The following CD48 variants were observed in gnomAD, a reference collection of about 807,000 sequenced individuals.
CD48 encodes the protein CD48 antigen.
Under a neutral mutation model 22.0 loss-of-function variants are expected in CD48, and 20 were observed. The ratio of observed to expected loss-of-function variants is 0.91; its 90% CI spans 0.64 to 1.32. The LOEUF (loss-of-function observed/expected upper bound fraction) is 1.32, where lower values mean the gene tolerates loss of function less well. Ranked by LOEUF, CD48 falls within the 40% of genes most tolerant of loss-of-function variation. CD48 has a pLI of 0.00. For missense variants in CD48, 307 were observed against 286.5 expected (o/e 1.07, Z -0.52); for synonymous variants, 110 against 110.1 (o/e 1.00, Z 0.01).
chr1:160,709,660 G>T (rs1479613997), intron 1 of CD48, among the ~76,000 whole-genome samples: 2 of 152,184 alleles, frequency 1.3e-5, no homozygotes, highest in African/African-American at 4.8e-5. Context: ...AGAGAGCTAA[G>T]AGTGCTTCTC....
At chr1:160,685,627 A>T (rs1661970951) in intron 1 of CD48, among the ~76,000 whole-genome samples, 1 of 152,316 alleles carries the variant, frequency 6.6e-6, no homozygotes, top group Admixed American at 6.5e-5. Context: ...TCTGTTTAAA[A>T]ATATTTAATA....
rs371785184 is a variant in CD48, at chr1:160,680,622, A to G, written c.652+580T>C. 224 of 1,008,720 alleles carry G rather than the reference A, an allele frequency of 2.2e-4. No individual in the cohort carries two copies. The African/African-American group carries it at 3.8e-3, about 17-fold the overall frequency. The allele number at this position is 1,008,720 out of a possible 1,614,324, so 62.5% of individuals were successfully genotyped here. On this transcript the variant is annotated intron_variant, in intron 3 of 3. Transcript: ENST00000368046. Reference sequence around the variant, plus strand: ...GTGACACTCATGAGTGGATCCTCCCAGGAGACAGGGGAATCTGGCTTCCTA... The same window carrying G: ...GTGACACTCATGAGTGGATCCTCCCGGGAGACAGGGGAATCTGGCTTCCTA...
intron 1 of CD48, among the ~76,000 whole-genome samples, chr1:160,687,977 T>C (rs535970306): frequency 6.6e-4 from 100 of 152,340 alleles, no homozygotes; most frequent in Middle Eastern, 6.8e-3. Flanking sequence ...GAATGATCAG[T>C]CTCATTATAG....
rs1359170171 is a variant in CD48, at chr1:160,684,410, T to A, written c.385+477A>T. On this transcript the variant is annotated intron_variant, in intron 2 of 3. Coordinates refer to ENST00000368046, the MANE Select transcript of CD48 (RefSeq NM_001778.4). ...CCAGGTATAATGCCTGAGTCCTTAT[T>A]CCATATACACTGGTTAGACTGGAGC... is the stretch of plus-strand genomic sequence containing the variant. The A allele has an allele frequency of 2.3e-5, 5 of 221,098 alleles. No individual in the cohort carries two copies. The South Asian group carries it at 3.4e-4, about 15-fold the overall frequency. 13.7% of individuals were successfully genotyped at this position (221,098 alleles called of 1,614,324 possible). A position where few individuals can be genotyped will look rare whatever the true frequency, so the allele number is the denominator to read the frequency against.
At chr1:160,686,222 G>T (rs946867041) in intron 1 of CD48, among the ~76,000 whole-genome samples, 5 of 152,168 alleles carry the variant, frequency 3.3e-5, no homozygotes, top group African/African-American at 1.2e-4. Flanking sequence ...GGGAAAGAGG[G>T]ATTCCAGTGT....
At chr1:160,683,146 T>C (rs1661867761) in intron 2 of CD48, among the ~76,000 whole-genome samples, 1 of 152,244 alleles carries the variant, frequency 6.6e-6, no homozygotes, top group Admixed American at 6.5e-5. Flanking sequence ...ATTTTTATCC[T>C]GGTTTTCACC....
chr1:160,701,159 TTTATGTAAAG>T (rs1424593462), intron 1 of CD48, among the ~76,000 whole-genome samples: 2 of 110,538 alleles, frequency 1.8e-5, no homozygotes, highest in South Asian at 3.2e-4. Flanking sequence ...CACAATCTGA[TTTATGTAAAG>T]CAATATAAAA....
At chr1:160,703,378 T>C (rs1039730489) in intron 1 of CD48, among the ~76,000 whole-genome samples, 1 of 152,096 alleles carries the variant, frequency 6.6e-6, no homozygotes, top group African/African-American at 2.4e-5. Context: ...AAAGGTAAGA[T>C]TGAACAGCGC....
intron 1 of CD48, among the ~76,000 whole-genome samples, chr1:160,696,613 C>G (rs949740977): frequency 1.3e-5 from 2 of 151,696 alleles, no homozygotes; most frequent in African/African-American, 2.4e-5. Flanking sequence ...AGTCTTAGAC[C>G]TGCCCACTCA....
chr1:160,681,396 G>A lies in CD48; in HGVS notation c.458C>T (p.Ser153Leu). ...DMDDNCYLKL[S>L]CVIPGESVNY... ...TACAGACTCGCCAGGTATCACACAT[G>A]ACAGTTTCAGATAACAGTTGTCATC... The change falls in exon 3 of 4, where the codon TCA (serine) becomes TTA (leucine). Residue 153 changes from serine to leucine, a missense_variant. Coordinates refer to ENST00000368046, the MANE Select transcript of CD48 (RefSeq NM_001778.4). The A allele has an allele frequency of 6.2e-7, 1 of 1,614,136 alleles. No homozygotes were observed. Among genetic ancestry groups the A allele is most frequent in the Non-Finnish European group, 8.5e-7 (1 of 1,180,006 alleles).
At chr1:160,688,335 TG>T (rs1291131204) in intron 1 of CD48, among the ~76,000 whole-genome samples, 2 of 152,142 alleles carry the variant, frequency 1.3e-5, no homozygotes, top group Non-Finnish European at 2.9e-5. Flanking sequence ...TTAAATGTAT[TG>T]GGGGGAGGAT....
chr1:160,688,819 G>C (rs866945681), intron 1 of CD48, among the ~76,000 whole-genome samples: 1 of 152,092 alleles, frequency 6.6e-6, no homozygotes, highest in South Asian at 2.1e-4. Flanking sequence ...GATGATTCTC[G>C]TTCTCCTGAT....
At chr1:160,687,227 A>G (rs1354032275) in intron 1 of CD48, among the ~76,000 whole-genome samples, 1 of 152,044 alleles carries the variant, frequency 6.6e-6, no homozygotes, top group Non-Finnish European at 1.5e-5. Context: ...GTCAGAGTTT[A>G]AGGTTATCTC....
Position 160,684,877 on chromosome 1 carries a change from C to T in CD48, c.385+10G>A, listed in dbSNP as rs374129293. On this transcript the variant is annotated intron_variant, in intron 2 of 3. Transcript: ENST00000368046. The stretch of plus-strand genomic sequence containing the variant: ...GAGTGGGGATTTGCTCTTTGGCTCC[C>T]CTGACTCACCAAGCACTTGCAGCTT... 279 of 1,614,086 alleles carry T rather than the reference C, an allele frequency of 1.7e-4. No individual in the cohort carries two copies. The highest frequency in any genetic ancestry group is 3.2e-4 in the Admixed American group (19 of 60,006).
chr1:160,708,456 G>A (rs990454831), intron 1 of CD48, among the ~76,000 whole-genome samples: 5 of 152,214 alleles, frequency 3.3e-5, no homozygotes, highest in African/African-American at 1.2e-4. Context: ...GAGCAGTTAG[G>A]ATAGTGGATC....
rs1661954245 is a variant in CD48, at chr1:160,685,162, G to C, written c.110C>G (p.Ser37Cys). 6.2e-7 allele frequency: 1 copy of C among 1,611,198 alleles called. No individual in the cohort carries two copies. Among genetic ancestry groups the C allele is most frequent in the Non-Finnish European group, 8.5e-7 (1 of 1,177,746 alleles). The part of the protein sequence containing the change: ...QGHLVHMTVV[S>C]GSNVTLNISE... ...GATGTTCAGAGTCACGTTGCTGCCGGAGACCACGGTCATATGTACCAAGTG... is the reference window on the plus strand; with the variant it reads ...GATGTTCAGAGTCACGTTGCTGCCGCAGACCACGGTCATATGTACCAAGTG... Residue 37 changes from serine to cysteine, a missense_variant, in exon 2 of 4, where the codon TCC (serine) becomes TGC (cysteine). By Grantham distance (112) the Ser-to-Cys change is moderately radical. Transcript: ENST00000368046.
chr1:160,701,175 TA>T (rs34978243), intron 1 of CD48, among the ~76,000 whole-genome samples: 100,352 of 134,906 alleles, frequency 0.74, 37,707 homozygotes, highest in East Asian at 0.82. Context: ...TAAAGCAATA[TA>T]AAAAAAAATC....
chr1:160,710,734 G>T (rs945158731), intron 1 of CD48, among the ~76,000 whole-genome samples: 12 of 152,054 alleles, frequency 7.9e-5, no homozygotes, highest in Non-Finnish European at 2.9e-5. Flanking sequence ...ATGAACCAAA[G>T]GACTCTACCT....
At chr1:160,690,461 G>A (rs758444799) in intron 1 of CD48, among the ~76,000 whole-genome samples, 2 of 152,202 alleles carry the variant, frequency 1.3e-5, no homozygotes, top group Admixed American at 6.5e-5. Flanking sequence ...GAGGGCAGCT[G>A]TGAACAATAA....
Sources: allele counts gnomAD v4.1 joint callset (sites outside exome capture counted in the v4.1 genomes callset), GRCh38; gene constraint gnomAD v4.1.1; transcripts MANE v1.5; gene names NCBI Gene and HGNC (gene_info 2026-07-23, HGNC 2026-07-21).